CPNE7: variants seen among roughly 807,000 people sequenced by gnomAD.
CPNE7 encodes the protein copine 7, also known as copine-7.
In CPNE7, 78 loss-of-function variants were observed where a neutral mutation model predicts 66.5. The observed-to-expected ratio is 1.17, with a 90% CI of 0.98 to 1.42. The LOEUF (loss-of-function observed/expected upper bound fraction) is 1.42, where lower values mean the gene tolerates loss of function less well. CPNE7 is among the 40% of genes most tolerant of loss of function. The pLI, the probability that CPNE7 is intolerant of heterozygous loss-of-function variation, is 0.00. For missense variants in CPNE7, 1,012 were observed against 776.6 expected, an observed-to-expected ratio of 1.30 and a Z score of -3.60; for synonymous variants, 468 against 336.7, an observed-to-expected ratio of 1.39 and a Z score of -4.27.
chr16:89,588,608 C>T (rs560823809), intron 9 of CPNE7, 67 bp from the exon 10 acceptor site: 1 of 1,598,870 alleles, frequency 6.3e-7, no homozygotes, highest in East Asian at 2.2e-5. Flanking sequence ...CGTGGTTTCT[C>T]TACCTGTCAG....
At chr16:89,583,073 G>T (rs1029587287) in intron 2 of CPNE7, among the ~76,000 whole-genome samples, 3 of 152,230 alleles carry the variant, frequency 2.0e-5, no homozygotes, top group Non-Finnish European at 4.4e-5. Context: ...GTCCAGCAGG[G>T]CCTGGTGAGG....
Position 89,585,479 on chromosome 16 carries a change from C to T in CPNE7, c.607C>T (p.Leu203=). The change falls in exon 6 of 15, where the codon CTG becomes TTG. Residue 203 remains leucine (L), a synonymous_variant. Transcript: ENST00000319518. ...CGGCCCACAGGTGGTGAAGAACAAC[C>T]TGAACCCGGTGTGGGAGGCCTTCAA... ...VYRTEVVKNN[L]NPVWEAFKVS... The T allele has an allele frequency of 6.2e-7, 1 of 1,611,848 alleles. No homozygotes were observed. Among genetic ancestry groups the T allele is most frequent in the African/African-American group, 1.3e-5 (1 of 74,980 alleles).
At chr16:89,587,419 T>A (rs2059071937) in intron 9 of CPNE7, 1 of 334,948 alleles carries the variant, frequency 3.0e-6, no homozygotes, top group African/African-American at 2.5e-5. Flanking sequence ...TGAGCCGATG[T>A]CTCCATGCGC....
chr16:89,578,808 G>T, intron 2 of CPNE7: 2 of 1,548,406 alleles, frequency 1.3e-6, no homozygotes, highest in Non-Finnish European at 8.7e-7. Flanking sequence ...CAGGTCCTAC[G>T]GTGGCCACTG....
chr16:89,586,897 G>T, intron 8 of CPNE7, 141 bp downstream of exon 8: 1 of 1,089,116 alleles, frequency 9.2e-7, no homozygotes. Flanking sequence ...GGGGAAGGGC[G>T]AGGTTGGGGA....
At position 89,585,447 on chromosome 16, in the gene CPNE7, C is replaced by T. The variant is rs780715122; in HGVS notation, c.592-17C>T. ...GGGCCCTGGGCCTCCCCTGAGCCAGCCCCTCCCGGCCCACAGGTGGTGAAG... is the reference window on the plus strand; with the variant it reads ...GGGCCCTGGGCCTCCCCTGAGCCAGTCCCTCCCGGCCCACAGGTGGTGAAG... On this transcript the variant is annotated splice_polypyrimidine_tract_variant and intron_variant, in intron 5 of 14. Coordinates refer to ENST00000319518, the MANE Select transcript of CPNE7 (RefSeq NM_153636.3). 1.9e-6 allele frequency: 3 copies of T among 1,596,030 alleles called. No individual in the cohort carries two copies. Among genetic ancestry groups the T allele is most frequent in the Non-Finnish European group, 2.6e-6 (3 of 1,167,426 alleles).
chr16:89,596,808 G>A lies in CPNE7; in HGVS notation c.*187G>A, dbSNP rs1006811811. ...GGCTCTGGGGCCCCCAAGGCCGAAG[G>A]GTGACAAAATACAGGCCCCCATGCC... On this transcript the variant is annotated 3_prime_UTR_variant, in exon 15 of 15. Coordinates refer to ENST00000319518, the MANE Select transcript of CPNE7 (RefSeq NM_153636.3). 2.9e-6 allele frequency: 2 copies of A among 684,570 alleles called. No homozygotes were observed. Among genetic ancestry groups the A allele is most frequent in the Admixed American group, 7.3e-5 (2 of 27,474 alleles). 42.4% of individuals were successfully genotyped at this position (684,570 alleles called of 1,614,324 possible). A position where few individuals can be genotyped will look rare whatever the true frequency, so the allele number is the denominator to read the frequency against.
intron 13 of CPNE7, among the ~76,000 whole-genome samples, chr16:89,593,571 C>G (rs1335561904): frequency 5.9e-5 from 9 of 152,080 alleles, no homozygotes; most frequent in Admixed American, 5.2e-4. Context: ...CCAGGATGGT[C>G]TCGATCTCCT....
At chr16:89,589,366 TG>T (rs1173327493) in intron 10 of CPNE7, among the ~76,000 whole-genome samples, 4 of 152,148 alleles carry the variant, frequency 2.6e-5, no homozygotes, top group African/African-American at 9.7e-5. Flanking sequence ...CACATGGTCC[TG>T]GGGGGACGTC....
At chr16:89,587,656 C>A (rs909760931) in intron 9 of CPNE7, 20 of 434,350 alleles carry the variant, frequency 4.6e-5, no homozygotes, top group Non-Finnish European at 7.5e-5. Flanking sequence ...CGTGTCACCC[C>A]CATGTCACCC....
intron 13 of CPNE7, among the ~76,000 whole-genome samples, chr16:89,593,542 C>T (rs966195050): frequency 1.4e-4 from 22 of 151,812 alleles, no homozygotes; most frequent in Admixed American, 5.2e-4. Flanking sequence ...TTAGTAGAGA[C>T]GGGGTTTCAC....
chr16:89,591,113 C>T lies in CPNE7; in HGVS notation c.1169-14C>T. The T allele has an allele frequency of 6.2e-7, 1 of 1,612,990 alleles. No individual in the cohort carries two copies. The highest frequency in any genetic ancestry group is 8.5e-7 in the Non-Finnish European group (1 of 1,179,758). On this transcript the variant is annotated splice_polypyrimidine_tract_variant and intron_variant, in intron 12 of 14. Transcript: ENST00000319518. ...GAGTGCAGGGGGGCCGGGCTCACCC[C>T]CTGCCCCCCACAGGCATCCAGGGCG...
intron 13 of CPNE7, 24 bp downstream of exon 13, chr16:89,591,284 C>T (rs1408379886): frequency 1.3e-6 from 2 of 1,544,418 alleles, no homozygotes; most frequent in East Asian, 2.3e-5. Context: ...GGGTGTGGTG[C>T]ATGCTTGGTG....
Position 89,580,403 on chromosome 16 carries a change from G to GTCACATGGAACATCCCATCACCCA in CPNE7, c.357+2687_357+2688insTGGAACATCCCATCACCCATCACA, listed in dbSNP as rs1567953013. Among the ~76,000 whole-genome samples, 63 of 73,828 alleles carry GTCACATGGAACATCCCATCACCCA rather than the reference G, an allele frequency of 8.5e-4. 11 individuals carry two copies. The highest frequency in any genetic ancestry group is 1.2e-3 in the Non-Finnish European group (45 of 36,822). The allele number at this position is 73,828 out of a possible 152,430, so 48.4% of individuals were successfully genotyped here. A position where few individuals can be genotyped will look rare whatever the true frequency, so the allele number is the denominator to read the frequency against. The stretch of plus-strand genomic sequence containing the variant: ...CGTCACATGGAACATCCCATCACCC[G>GTCACATGGAACATCCCATCACCCA]TCACACGGAACATCCCATCACCCAT... On this transcript the variant is annotated intron_variant, in intron 2 of 14. Coordinates refer to ENST00000319518, the MANE Select transcript of CPNE7 (RefSeq NM_153636.3).
At chr16:89,585,618 C>A in intron 6 of CPNE7, 65 bp downstream of exon 6, 1 of 1,542,922 alleles carries the variant, frequency 6.5e-7, no homozygotes, top group Admixed American at 1.8e-5. Flanking sequence ...GCGATGGAGA[C>A]ACCTGGGCTC....
chr16:89,578,606 A>T (rs1446474597), intron 2 of CPNE7, among the ~76,000 whole-genome samples: 1 of 151,670 alleles, frequency 6.6e-6, no homozygotes, highest in African/African-American at 2.4e-5. Flanking sequence ...CAAAAAGTAC[A>T]ATAATTAGCC....
At chr16:89,579,695 G>A (rs2058918142) in intron 2 of CPNE7, among the ~76,000 whole-genome samples, 1 of 132,668 alleles carries the variant, frequency 7.5e-6, no homozygotes, top group South Asian at 2.3e-4. Flanking sequence ...CCCGTCATCT[G>A]CTCACATGGA....
At chr16:89,588,966 G>A (rs557960622) in intron 10 of CPNE7, among the ~76,000 whole-genome samples, 158 bp downstream of exon 10, 92 of 152,218 alleles carry the variant, frequency 6.0e-4, no homozygotes, top group East Asian at 1.5e-3. Context: ...GTCAGGCCTC[G>A]GGGCACCATG....
chr16:89,578,134 G>A (rs1470262496), intron 2 of CPNE7, among the ~76,000 whole-genome samples: 5 of 148,090 alleles, frequency 3.4e-5, no homozygotes, highest in Non-Finnish European at 5.9e-5. Flanking sequence ...GCGTGATCTC[G>A]GCTCACTGCA....
Sources: allele counts gnomAD v4.1 joint callset (sites outside exome capture counted in the v4.1 genomes callset), GRCh38; gene constraint gnomAD v4.1.1; transcripts MANE v1.5; gene names NCBI Gene and HGNC (gene_info 2026-07-23, HGNC 2026-07-21).